CALB2: variants seen among roughly 807,000 people sequenced by gnomAD.
The protein encoded by CALB2 is calretinin.
In CALB2, 34 loss-of-function variants were observed where a neutral mutation model predicts 45.9. That is an observed-to-expected ratio of 0.74 (90% CI 0.56 to 0.99). The LOEUF is 0.99. CALB2 is among the 50% of genes least tolerant of loss of function. CALB2 has a pLI of 0.00. For missense variants in CALB2, 344 were observed against 339.3 expected (o/e 1.01, Z -0.11); for synonymous variants, 142 against 129.6 (o/e 1.10, Z -0.65).
intron 1 of CALB2, among the ~76,000 whole-genome samples, chr16:71,360,392 A>T (rs980510504): frequency 2.0e-5 from 3 of 152,146 alleles, no homozygotes; most frequent in Admixed American, 6.5e-5. Flanking sequence ...TAGATTGTTA[A>T]ATCTGTAAAA....
At chr16:71,388,399 G>A (rs887294713) in intron 10 of CALB2, among the ~76,000 whole-genome samples, 17 of 152,010 alleles carry the variant, frequency 1.1e-4, no homozygotes, top group African/African-American at 4.1e-4. Flanking sequence ...ATAGAGTGGG[G>A]GAGAAGGAAA....
At chr16:71,378,506 C>A (rs2042444070) in intron 4 of CALB2, among the ~76,000 whole-genome samples, 1 of 152,104 alleles carries the variant, frequency 6.6e-6, no homozygotes, top group African/African-American at 2.4e-5. Flanking sequence ...CACCACTGCC[C>A]TCCAGGCTGG....
At chr16:71,375,390 A>C (rs1342793791) in intron 3 of CALB2, among the ~76,000 whole-genome samples, 1 of 152,156 alleles carries the variant, frequency 6.6e-6, no homozygotes, top group Non-Finnish European at 1.5e-5. Flanking sequence ...CACCTCTGGT[A>C]ATCAGTGACC....
At position 71,365,754 on chromosome 16, in the gene CALB2, T is replaced by C. The variant is rs1265258386; in HGVS notation, c.95-6399T>C. 3.3e-5 allele frequency among the ~76,000 whole-genome samples: 5 copies of C among 151,956 alleles called. No homozygotes were observed. In the South Asian group the frequency reaches 8.3e-4, roughly 25 times the overall value. On this transcript the variant is annotated intron_variant, in intron 1 of 10. Transcript: ENST00000302628. ...GAATTAGGATCTCCACTTTAATAAG[T>C]GGAGATTATTACGGTACTTTTTATG... is the stretch of plus-strand genomic sequence containing the variant.
chr16:71,386,296 G>T lies in CALB2; in HGVS notation c.699+648G>T, dbSNP rs77799816. ...GCTGGCTGTTGTGGGGGATGCTGCT[G>T]TGAGGCCATGACAGTGTTGACGTGT... On this transcript the variant is annotated intron_variant, in intron 10 of 10. Coordinates refer to ENST00000302628, the MANE Select transcript of CALB2 (RefSeq NM_001740.5). Among the ~76,000 whole-genome samples, 1,238 of 152,328 alleles carry T rather than the reference G, an allele frequency of 8.1e-3. 16 individuals are homozygous for T. The highest frequency in any genetic ancestry group is 0.028 in the African/African-American group (1,154 of 41,560).
chr16:71,381,832 T>C (rs1020391624), intron 4 of CALB2, among the ~76,000 whole-genome samples: 20 of 151,880 alleles, frequency 1.3e-4, no homozygotes, highest in Admixed American at 7.2e-4. Flanking sequence ...CTGGGCAACA[T>C]AGTGAGACCC....
At chr16:71,381,986 C>A (rs1348585178) in intron 4 of CALB2, among the ~76,000 whole-genome samples, 2 of 134,278 alleles carry the variant, frequency 1.5e-5, no homozygotes, top group East Asian at 4.9e-4. Context: ...GCACCACAGC[C>A]TGGGTGACAG....
intron 3 of CALB2, among the ~76,000 whole-genome samples, chr16:71,376,216 G>T (rs975697871): frequency 4.6e-5 from 7 of 152,164 alleles, no homozygotes; most frequent in African/African-American, 1.4e-4. Context: ...AGCCACGGGT[G>T]GTATGTCAAT....
chr16:71,384,558 C>CA (rs1157351121), intron 8 of CALB2, among the ~76,000 whole-genome samples, 180 bp downstream of exon 8: 1 of 134,012 alleles, frequency 7.5e-6, no homozygotes, highest in Non-Finnish European at 1.6e-5. Context: ...ACACAGACCA[C>CA]ACACACCACA....
At chr16:71,371,789 C>T (rs1181586022) in intron 1 of CALB2, among the ~76,000 whole-genome samples, 2 of 152,174 alleles carry the variant, frequency 1.3e-5, no homozygotes, top group Non-Finnish European at 2.9e-5. Flanking sequence ...ACTCCAGGGA[C>T]CCCAGTTCTG....
At chr16:71,379,842 G>A (rs2042466279) in intron 4 of CALB2, among the ~76,000 whole-genome samples, 1 of 152,200 alleles carries the variant, frequency 6.6e-6, no homozygotes, top group South Asian at 2.1e-4. Context: ...TTAAGTGACA[G>A]CTTGCCTGAG....
intron 1 of CALB2, among the ~76,000 whole-genome samples, chr16:71,365,676 A>T (rs11644127): frequency 0.25 from 38,330 of 151,958 alleles, 5,329 homozygotes; most frequent in South Asian, 0.39. Flanking sequence ...TTCCAATGCT[A>T]CTGGTCCACA....
chr16:71,374,816 G>C lies in CALB2; in HGVS notation c.243G>C (p.Gly81=). Residue 81 remains glycine (G), a synonymous_variant, in exon 3 of 11, where the codon GGG becomes GGC. Transcript: ENST00000302628. ...AGAAGTATGATAAAAACTCAGATGG[G>C]AAAATCGAGATGGCAGAGGTGAGCC... ...FMQKYDKNSD[G]KIEMAELAQI... 1 of 1,612,664 alleles carries C rather than the reference G, an allele frequency of 6.2e-7. No individual in the cohort carries two copies. Among genetic ancestry groups the C allele is most frequent in the Non-Finnish European group, 8.5e-7 (1 of 1,178,832 alleles).
chr16:71,367,779 T>C (rs957770863), intron 1 of CALB2, among the ~76,000 whole-genome samples: 1 of 152,214 alleles, frequency 6.6e-6, no homozygotes, highest in South Asian at 2.1e-4. Flanking sequence ...TTTCTGCCTT[T>C]TGTTGAGGTG....
At position 71,368,389 on chromosome 16, in the gene CALB2, G is replaced by A. The variant is rs545926579; in HGVS notation, c.95-3764G>A. Among the ~76,000 whole-genome samples, 11 of 152,258 alleles carry A rather than the reference G, an allele frequency of 7.2e-5. No individual in the cohort carries two copies. In the South Asian group the frequency reaches 2.1e-3, roughly 29 times the overall value. On this transcript the variant is annotated intron_variant, in intron 1 of 10. Coordinates refer to ENST00000302628, the MANE Select transcript of CALB2 (RefSeq NM_001740.5). ...AAAATTATTCAGGCATGTGCCCGTC[G>A]TCCAAGCTACTTGGGAGGCTGAGGT...
intron 1 of CALB2, among the ~76,000 whole-genome samples, chr16:71,364,495 C>T (rs753324344): frequency 6.6e-5 from 10 of 152,212 alleles, no homozygotes; most frequent in Non-Finnish European, 1.0e-4. Context: ...AGCCTGCCGG[C>T]GGATTGCATC....
intron 1 of CALB2, among the ~76,000 whole-genome samples, chr16:71,367,791 C>G (rs552091718): frequency 6.6e-6 from 1 of 152,256 alleles, no homozygotes; most frequent in South Asian, 2.1e-4. Context: ...GTTGAGGTGC[C>G]CAGAGGGAGG....
intron 3 of CALB2, 49 bp downstream of exon 3, chr16:71,374,883 C>A: frequency 7.8e-7 from 1 of 1,284,484 alleles, no homozygotes; most frequent in Non-Finnish European, 1.1e-6. Flanking sequence ...GGCCCTGGGT[C>A]CCTGTGCCTC....
chr16:71,366,734 A>C (rs1314180535), intron 1 of CALB2, among the ~76,000 whole-genome samples: 1 of 152,162 alleles, frequency 6.6e-6, no homozygotes, highest in Non-Finnish European at 1.5e-5. Context: ...GGGAGTATAA[A>C]TGGAAGGCAA....
Sources: allele counts gnomAD v4.1 joint callset (sites outside exome capture counted in the v4.1 genomes callset), GRCh38; gene constraint gnomAD v4.1.1; transcripts MANE v1.5; gene names NCBI Gene and HGNC (gene_info 2026-07-23, HGNC 2026-07-21).